Variants in FCHSD2 observed in about 807,000 individuals in gnomAD.
FCHSD2 encodes the protein FCH and double SH3 domains 2.
Under a neutral mutation model 108.1 loss-of-function variants are expected in FCHSD2, and 38 were observed. The ratio of observed to expected loss-of-function variants is 0.35; its 90% confidence interval spans 0.27 to 0.46. The LOEUF (loss-of-function observed/expected upper bound fraction) is 0.46. FCHSD2 is among the 20% of genes least tolerant of loss of function. The pLI is 1.00. For synonymous variants in FCHSD2, 279 were observed against 314.7 expected (o/e 0.89, Z 1.20); for missense variants, 751 against 897.8 (o/e 0.84, Z 2.09).
intron 9 of FCHSD2, among the ~76,000 whole-genome samples, chr11:72,909,519 C>A (rs1044019790): frequency 1.1e-4 from 16 of 151,792 alleles, no homozygotes; most frequent in African/African-American, 3.9e-4. Context: ...TGAGGAGCCC[C>A]TCTGCCCGGC....
At chr11:72,950,010 C>CA (rs146072965) in intron 8 of FCHSD2, among the ~76,000 whole-genome samples, 3,744 of 152,238 alleles carry the variant, frequency 0.025, 147 homozygotes, top group African/African-American at 0.086. Context: ...CATTCTCACC[C>CA]AATTTCTCCA....
intron 8 of FCHSD2, among the ~76,000 whole-genome samples, chr11:72,961,524 A>T (rs568720079): frequency 4.3e-4 from 66 of 152,198 alleles, no homozygotes; most frequent in South Asian, 6.2e-4. Context: ...CTAAAGTGCT[A>T]TGATTACAGG....
At chr11:72,969,917 G>A (rs1247614947) in intron 8 of FCHSD2, among the ~76,000 whole-genome samples, 1 of 152,204 alleles carries the variant, frequency 6.6e-6, no homozygotes, top group Admixed American at 6.5e-5. Flanking sequence ...AGGAATAGGG[G>A]ACTGGGCTCA....
At chr11:73,123,768 G>A (rs886389927) in intron 2 of FCHSD2, among the ~76,000 whole-genome samples, 36 of 152,250 alleles carry the variant, frequency 2.4e-4, no homozygotes, top group East Asian at 3.9e-4. Flanking sequence ...AGTCTAAACA[G>A]AGCTGCCTTT....
rs1006602742 is a variant in FCHSD2 at position 73,126,705 on chromosome 11, CAT to C, written c.119+13324_119+13325del. The stretch of plus-strand genomic sequence containing the variant: ...ATTTTAGTTTTGAGCATAATATTCA[CAT>C]AGTTTAAAATTCAAAATACACAAAA... On this transcript the variant is annotated intron_variant, in intron 2 of 19. Coordinates refer to ENST00000409418, the MANE Select transcript of FCHSD2 (RefSeq NM_014824.3). Among the ~76,000 whole-genome samples the C allele has an allele frequency of 4.9e-4, 75 of 152,070 alleles. 1 individual carries two copies. The highest frequency in any genetic ancestry group is 1.7e-3 in the African/African-American group (72 of 41,486).
At chr11:73,096,987 A>AATTTTTTTTTTTTTTTTTTTTTTT (rs1860095700) in intron 2 of FCHSD2, among the ~76,000 whole-genome samples, 2 of 27,020 alleles carry the variant, frequency 7.4e-5, no homozygotes, top group African/African-American at 4.0e-4. Context: ...TCATTGATGG[A>AATTTTTTTTTTTTTTTTTTTTTTT]TTTTTTTTTT....
intron 10 of FCHSD2, among the ~76,000 whole-genome samples, chr11:72,896,365 GC>G (rs1448773878): frequency 6.6e-6 from 1 of 152,168 alleles, no homozygotes; most frequent in East Asian, 1.9e-4. Context: ...TTGTGGACAT[GC>G]ATGTTTCCCA....
intron 3 of FCHSD2, among the ~76,000 whole-genome samples, chr11:73,046,245 G>A (rs1423824090): frequency 6.6e-6 from 1 of 151,954 alleles, no homozygotes; most frequent in Non-Finnish European, 1.5e-5. Flanking sequence ...TCCCACCTTG[G>A]CCTCCCAAAG....
chr11:73,023,339 A>G (rs1473793517), intron 3 of FCHSD2, among the ~76,000 whole-genome samples: 1 of 152,230 alleles, frequency 6.6e-6, no homozygotes, highest in African/African-American at 2.4e-5. Context: ...AAAATTCAAC[A>G]GTAAGAAAAA....
intron 2 of FCHSD2, among the ~76,000 whole-genome samples, chr11:73,100,522 C>A (rs1387586612): frequency 6.6e-6 from 1 of 152,114 alleles, no homozygotes; most frequent in Non-Finnish European, 1.5e-5. Context: ...CGCCACCACG[C>A]CTGGCTAATT....
At chr11:72,987,996 C>T (rs935489203) in intron 6 of FCHSD2, among the ~76,000 whole-genome samples, 13 of 152,168 alleles carry the variant, frequency 8.5e-5, no homozygotes, top group African/African-American at 3.1e-4. Context: ...AACATCAAGT[C>T]CTTCATGAAT....
chr11:72,865,134 A>G (rs139588609), intron 13 of FCHSD2, among the ~76,000 whole-genome samples: 1 of 152,368 alleles, frequency 6.6e-6, no homozygotes, highest in Non-Finnish European at 1.5e-5. Context: ...TAACAGTAGT[A>G]TTAATCATGT....
chr11:72,968,070 A>G (rs560414374), intron 8 of FCHSD2, among the ~76,000 whole-genome samples: 54 of 150,030 alleles, frequency 3.6e-4, no homozygotes, highest in African/African-American at 1.3e-3. Flanking sequence ...CAGCCTGGGC[A>G]ACAGAGCAAG....
intron 13 of FCHSD2, among the ~76,000 whole-genome samples, chr11:72,862,364 T>C (rs2031298580): frequency 6.6e-6 from 1 of 152,232 alleles, no homozygotes. Flanking sequence ...ACAAAAAAGC[T>C]ACTAGAACTA....
intron 8 of FCHSD2, among the ~76,000 whole-genome samples, chr11:72,926,466 A>G (rs1299149541): frequency 6.6e-6 from 1 of 152,100 alleles, no homozygotes; most frequent in Non-Finnish European, 1.5e-5. Flanking sequence ...TACTCTCTCC[A>G]TTGAGAGCTG....
intron 3 of FCHSD2, among the ~76,000 whole-genome samples, chr11:73,066,511 A>C (rs1259707135): frequency 6.6e-6 from 1 of 152,200 alleles, no homozygotes; most frequent in African/African-American, 2.4e-5. Context: ...AATTAAACTA[A>C]AGAGCTTTTG....
At chr11:73,018,846 T>C (rs1704244567) in intron 3 of FCHSD2, among the ~76,000 whole-genome samples, 2 of 152,194 alleles carry the variant, frequency 1.3e-5, no homozygotes, top group African/African-American at 2.4e-5. Context: ...AAGAGAAATA[T>C]GTGTGGGTAT....
At chr11:72,869,268 T>C (rs936246797) in intron 12 of FCHSD2, among the ~76,000 whole-genome samples, 9 of 152,152 alleles carry the variant, frequency 5.9e-5, no homozygotes, top group Non-Finnish European at 8.8e-5. Context: ...AATCAAGGCT[T>C]TTTTCCCTCA....
At chr11:73,036,546 T>C (rs1858503009) in intron 3 of FCHSD2, among the ~76,000 whole-genome samples, 1 of 152,216 alleles carries the variant, frequency 6.6e-6, no homozygotes, top group Admixed American at 6.5e-5. Context: ...GTACAATGAC[T>C]AGCATACTGC....
Sources: gnomAD v4.1 joint callset for allele counts (sites outside exome capture counted in the v4.1 genomes callset) on GRCh38, gnomAD v4.1.1 for gene constraint, MANE v1.5 for transcripts, NCBI Gene and HGNC (gene_info 2026-07-23, HGNC 2026-07-21) for gene names.